IRAK3: variants seen among roughly 807,000 people sequenced by gnomAD.
IRAK3 encodes the protein interleukin 1 receptor associated kinase 3.
A neutral mutation model predicts 56.6 loss-of-function variants in IRAK3; 57 were observed. The observed-to-expected ratio is 1.01, with a 90% CI of 0.81 to 1.26. The LOEUF is 1.26. IRAK3 is among the 50% of genes most tolerant of loss of function. The pLI is 0.00. For synonymous variants in IRAK3, 258 were observed against 255.7 expected (o/e 1.01, Z -0.09); for missense variants, 703 against 719.0 (o/e 0.98, Z 0.25).
chr12:66,236,444 T>C (rs2052909226), intron 8 of IRAK3, among the ~76,000 whole-genome samples: 1 of 151,116 alleles, frequency 6.6e-6, no homozygotes, highest in Non-Finnish European at 1.5e-5. Context: ...GGCTTGTGCT[T>C]GTAGTCCCAG....
In IRAK3 at chr12:66,252,066, G is replaced by C. The variant is rs995728637; in HGVS notation, c.*3895G>C. The C allele has an allele frequency of 3.9e-5, 6 of 152,214 alleles. No homozygotes were observed. Among genetic ancestry groups the C allele is most frequent in the Non-Finnish European group, 8.8e-5 (6 of 68,058 alleles). The allele number at this position is 152,214 out of a possible 1,614,324, so 9.4% of individuals were successfully genotyped here. On this transcript the variant is annotated 3_prime_UTR_variant, in exon 12 of 12. Transcript: ENST00000261233. ...CAGGATGGCTATTCAAGGAATTGGG[G>C]ATCCACAGCAGCTGTGCACAACCAT...
chr12:66,236,113 G>A (rs1264720729), intron 8 of IRAK3, among the ~76,000 whole-genome samples: 1 of 152,170 alleles, frequency 6.6e-6, no homozygotes, highest in Non-Finnish European at 1.5e-5. Flanking sequence ...TAAAATGAAA[G>A]TTGGAAAATC....
rs1177183511 is a variant in IRAK3, at chr12:66,247,955, C to A, written c.1575C>A (p.Ser525Arg). ...TGAGCTTGGACAAAAAGCCAGAGAG[C>A]AAGAGAAATGAGGAAGCTTGCAACA... ...MFLSLDKKPE[S>R]KRNEEACNMP... The change falls in exon 12 of 12, where the codon AGC (serine) becomes AGA (arginine). Residue 525 changes from serine (S) to arginine (R), a missense_variant. Transcript: ENST00000261233. The A allele has an allele frequency of 6.2e-7, 1 of 1,612,984 alleles. No homozygotes were observed.
chr12:66,220,228 G>C (rs1016078170), intron 6 of IRAK3, among the ~76,000 whole-genome samples: 2 of 151,972 alleles, frequency 1.3e-5, no homozygotes, highest in Non-Finnish European at 2.9e-5. Flanking sequence ...TTTTGTATAT[G>C]GTGTAAGACA....
At chr12:66,226,647 A>G in intron 6 of IRAK3, 76 bp from the exon 7 acceptor site, 1 of 833,832 alleles carries the variant, frequency 1.2e-6, no homozygotes, top group South Asian at 1.3e-5. Flanking sequence ...CCACCTTACT[A>G]CCCCCACACC....
chr12:66,244,476 A>G lies in IRAK3; in HGVS notation c.888-10A>G, dbSNP rs201984405. 2.5e-6 allele frequency: 4 copies of G among 1,611,712 alleles called. No homozygotes were observed. The East Asian group carries it at 8.9e-5, about 36-fold the overall frequency. The stretch of plus-strand genomic sequence containing the variant: ...TATTTTGTCTTGTTTGTCCCTGATC[A>G]CAATTTTAGTGCAAACATCCTTTTG... On this transcript the variant is annotated splice_polypyrimidine_tract_variant and intron_variant, in intron 8 of 11. Transcript: ENST00000261233.
At chr12:66,193,497 T>C (rs762949735) in intron 1 of IRAK3, among the ~76,000 whole-genome samples, 1 of 152,230 alleles carries the variant, frequency 6.6e-6, no homozygotes, top group African/African-American at 2.4e-5. Context: ...GTCCATGCTT[T>C]ATTCAGACTT....
chr12:66,251,444 A>G lies in IRAK3; in HGVS notation c.*3273A>G, dbSNP rs974987745. On this transcript the variant is annotated 3_prime_UTR_variant, in exon 12 of 12. Transcript: ENST00000261233. ...CGGGTGTTCCCTCTGATCAGCAAAC[A>G]TGAATTCATAATTTCATTTACTCTC... is the stretch of plus-strand genomic sequence containing the variant. 1 of 152,236 alleles carries G rather than the reference A, an allele frequency of 6.6e-6. No homozygotes were observed. Among genetic ancestry groups the G allele is most frequent in the African/African-American group, 2.4e-5 (1 of 41,472 alleles). 9.4% of individuals were successfully genotyped at this position (152,236 alleles called of 1,614,324 possible).
intron 1 of IRAK3, among the ~76,000 whole-genome samples, chr12:66,194,449 G>T (rs1405208624): frequency 4.6e-5 from 7 of 152,088 alleles, no homozygotes; most frequent in African/African-American, 1.7e-4. Flanking sequence ...TAAATCCAAT[G>T]GTTGGTTCAA....
At chr12:66,210,118 A>G (rs767679259) in intron 3 of IRAK3, 29 bp from the exon 4 acceptor site, 2 of 1,402,226 alleles carry the variant, frequency 1.4e-6, no homozygotes, top group Non-Finnish European at 2.0e-6. Flanking sequence ...ATGAAATGGA[A>G]TTACTTTAGT....
chr12:66,205,621 A>G (rs1188369735), intron 2 of IRAK3, among the ~76,000 whole-genome samples: 3 of 152,218 alleles, frequency 2.0e-5, no homozygotes, highest in African/African-American at 7.2e-5. Context: ...TCCTAACTAA[A>G]GATGCATAAA....
At chr12:66,201,432 T>C (rs2052506875) in intron 1 of IRAK3, among the ~76,000 whole-genome samples, 1 of 152,208 alleles carries the variant, frequency 6.6e-6, no homozygotes, top group Admixed American at 6.5e-5. Context: ...TTTTAGTTTC[T>C]CTGGAAGGTA....
At chr12:66,223,244 T>C (rs1007537590) in intron 6 of IRAK3, among the ~76,000 whole-genome samples, 1 of 152,196 alleles carries the variant, frequency 6.6e-6, no homozygotes, top group Admixed American at 6.5e-5. Context: ...TCTGGATGTA[T>C]ACATGCAGGT....
Position 66,226,839 on chromosome 12 carries a change from T to G in IRAK3, c.768+2T>G. On this transcript the variant is annotated splice_donor_variant, in intron 7 of 11. Transcript: ENST00000261233. LOFTEE classifies it high-confidence loss of function. ...CTTTTTGACAGATTGCAGTGTGTAG[T>G]AAGTTCTATCTATTATTCTGTCTGA... is the stretch of plus-strand genomic sequence containing the variant. 6.7e-7 allele frequency: 1 copy of G among 1,489,698 alleles called. No individual in the cohort carries two copies. Among genetic ancestry groups the G allele is most frequent in the Non-Finnish European group, 9.4e-7 (1 of 1,066,514 alleles). 92.3% of individuals were successfully genotyped at this position (1,489,698 alleles called of 1,614,324 possible).
At position 66,244,994 on chromosome 12, in the gene IRAK3, C is replaced by G; in HGVS notation, c.1133C>G (p.Pro378Arg). 6.2e-7 allele frequency: 1 copy of G among 1,613,622 alleles called. No homozygotes were observed. The highest frequency in any genetic ancestry group is 8.5e-7 in the Non-Finnish European group (1 of 1,179,642). The change falls in exon 10 of 12, where the codon CCA becomes CGA. Residue 378 changes from proline (P) to arginine (R), a missense_variant. Physicochemically the swap from Pro to Arg is moderately radical, Grantham distance 103 (BLOSUM62 -2). Coordinates refer to ENST00000261233, the MANE Select transcript of IRAK3 (RefSeq NM_007199.3). ...GGATGTAGAGTAGTGTTAGATGATCCAAAACATATCCAGCTGGTAAGAATT... is the reference window on the plus strand; with the variant it reads ...GGATGTAGAGTAGTGTTAGATGATCGAAAACATATCCAGCTGGTAAGAATT... ...LTGCRVVLDD[P>R]KHIQLRDLLR...
At chr12:66,207,820 T>C (rs1274829982) in intron 2 of IRAK3, among the ~76,000 whole-genome samples, 5 of 152,188 alleles carry the variant, frequency 3.3e-5, no homozygotes, top group African/African-American at 1.2e-4. Flanking sequence ...TCCAGATACT[T>C]GTGAATTTCC....
chr12:66,226,434 G>T (rs947087107), intron 6 of IRAK3, among the ~76,000 whole-genome samples: 1 of 152,052 alleles, frequency 6.6e-6, no homozygotes, highest in Non-Finnish European at 1.5e-5. Flanking sequence ...TAGAAACGGG[G>T]TTTCACCATG....
intron 1 of IRAK3, among the ~76,000 whole-genome samples, chr12:66,203,118 A>T (rs2052525100): frequency 6.6e-6 from 1 of 152,194 alleles, no homozygotes; most frequent in African/African-American, 2.4e-5. Flanking sequence ...GGTGGATGCA[A>T]ATATTAGTGG....
At chr12:66,194,955 C>G (rs551621703) in intron 1 of IRAK3, among the ~76,000 whole-genome samples, 7 of 152,066 alleles carry the variant, frequency 4.6e-5, no homozygotes, top group Admixed American at 3.3e-4. Flanking sequence ...GCTAAATTCA[C>G]GTAAATTCAA....
Sources: gnomAD v4.1 joint callset for allele counts (sites outside exome capture counted in the v4.1 genomes callset) on GRCh38, gnomAD v4.1.1 for gene constraint, MANE v1.5 for transcripts, NCBI Gene and HGNC (gene_info 2026-07-23, HGNC 2026-07-21) for gene names.